The following BLTP3A variants were observed in gnomAD, a reference collection of about 807,000 sequenced individuals.
BLTP3A encodes the protein bridge-like lipid transfer protein family member 3A, also known as ICBP90 binding protein 1.
At chr6:34,821,262 G>A in the BLTP3A span, among the ~76,000 whole-genome samples, 2 of 152,178 alleles carry the variant, frequency 1.3e-5, no homozygotes, top group East Asian at 1.9e-4. Flanking sequence ...GGCTCCCTCT[G>A]TCTGTTTTTA....
the BLTP3A span, among the ~76,000 whole-genome samples, chr6:34,866,864 C>T: frequency 7.3e-3 from 1,112 of 152,252 alleles, 20 homozygotes; most frequent in African/African-American, 0.025. Context: ...GCTTATTCCA[C>T]TTGGTATATC....
At chr6:34,825,820 T>C in the BLTP3A span, among the ~76,000 whole-genome samples, 1 of 152,180 alleles carries the variant, frequency 6.6e-6, no homozygotes, top group African/African-American at 2.4e-5. Flanking sequence ...CATTCACTAG[T>C]TGATGGTCAT....
At chr6:34,856,727 T>G in the BLTP3A span, 1 of 1,571,792 alleles carries the variant, frequency 6.4e-7, no homozygotes, top group South Asian at 1.2e-5. Flanking sequence ...TTTACTTTCC[T>G]TATTCTATTA....
the BLTP3A span, among the ~76,000 whole-genome samples, chr6:34,871,351 G>A: frequency 6.6e-6 from 1 of 152,164 alleles, no homozygotes; most frequent in Admixed American, 6.5e-5. Context: ...GACCTTGTCT[G>A]TAACCCTAAC....
At chr6:34,826,058 C>T in the BLTP3A span, among the ~76,000 whole-genome samples, 9,000 of 120,618 alleles carry the variant, frequency 0.075, 489 homozygotes, top group East Asian at 0.36. Flanking sequence ...GAGATGGAGT[C>T]TCACTCTGTT....
the BLTP3A span, chr6:34,792,325 C>T: frequency 2.6e-6 from 4 of 1,534,488 alleles, no homozygotes; most frequent in Non-Finnish European, 3.5e-6. Flanking sequence ...CCCCGGCGGT[C>T]CTGGGCCCTT....
At chr6:34,858,822 C>T in the BLTP3A span, 11 of 1,614,088 alleles carry the variant, frequency 6.8e-6, no homozygotes, top group Non-Finnish European at 9.3e-6. Context: ...TTGTACATTC[C>T]CCGGCCCATG....
the BLTP3A span, chr6:34,859,699 A>T: frequency 1.4e-6 from 2 of 1,392,190 alleles, no homozygotes; most frequent in East Asian, 2.3e-5. Flanking sequence ...GAATGCATAG[A>T]ATGGCCTATT....
chr6:34,872,482 C>T, the BLTP3A span: 1 of 1,579,290 alleles, frequency 6.3e-7, no homozygotes, highest in African/African-American at 1.4e-5. Flanking sequence ...AGGCTATCAC[C>T]AGCAATAGCA....
At chr6:34,855,768 A>T in the BLTP3A span, 1 of 1,606,142 alleles carries the variant, frequency 6.2e-7, no homozygotes, top group Admixed American at 1.7e-5. Flanking sequence ...AGATTCCTGG[A>T]TTCATCCCTG....
At chr6:34,849,914 G>A in the BLTP3A span, among the ~76,000 whole-genome samples, 1 of 152,150 alleles carries the variant, frequency 6.6e-6, no homozygotes, top group Admixed American at 6.6e-5. Context: ...GCTGAGGCAG[G>A]CGGATCACCT....
chr6:34,856,776 T>C, the BLTP3A span: 4 of 1,608,324 alleles, frequency 2.5e-6, no homozygotes, highest in Non-Finnish European at 3.4e-6. Context: ...TTTTCCCACC[T>C]TATTTTTATT....
the BLTP3A span, chr6:34,856,969 A>T: frequency 1.3e-6 from 2 of 1,596,886 alleles, no homozygotes; most frequent in Non-Finnish European, 1.7e-6. Context: ...GAGGTGGAGC[A>T]GTTTACTTGG....
the BLTP3A span, among the ~76,000 whole-genome samples, chr6:34,798,594 CT>C: frequency 1.4e-3 from 134 of 94,484 alleles, no homozygotes; most frequent in Non-Finnish European, 1.7e-3. Flanking sequence ...TTCTTTCTTT[CT>C]TTTTTTTTTT....
chr6:34,862,241 G>T, the BLTP3A span, among the ~76,000 whole-genome samples: 1 of 151,872 alleles, frequency 6.6e-6, no homozygotes, highest in Non-Finnish European at 1.5e-5. Context: ...GCTGGGTGTG[G>T]TGGCACGTGC....
chr6:34,794,790 GTTT>G, the BLTP3A span, among the ~76,000 whole-genome samples: 171 of 145,616 alleles, frequency 1.2e-3, no homozygotes, highest in Non-Finnish European at 1.7e-4. Context: ...GAGTTTTTTT[GTTT>G]TTTTTTTTTT....
At chr6:34,865,396 G>C in the BLTP3A span, among the ~76,000 whole-genome samples, 8 of 152,224 alleles carry the variant, frequency 5.3e-5, no homozygotes, top group African/African-American at 1.2e-4. Context: ...AGGCTGAATA[G>C]TATTCCATTG....
the BLTP3A span, chr6:34,871,183 C>A: frequency 6.5e-7 from 1 of 1,536,774 alleles, no homozygotes; most frequent in East Asian, 2.3e-5. Context: ...CTTTGTCAAG[C>A]AAGGAAGCAG....
At chr6:34,826,026 A>ATTCTTTTTTTTTTTTTTTTTT in the BLTP3A span, among the ~76,000 whole-genome samples, 1 of 76,648 alleles carries the variant, frequency 1.3e-5, no homozygotes. Context: ...TACATTTTGC[A>ATTCTTTTTTTTTTTTTTTTTT]TTTTTTTTTT....
Sources: allele counts gnomAD v4.1 joint callset (sites outside exome capture counted in the v4.1 genomes callset), GRCh38; gene constraint gnomAD v4.1.1; transcripts MANE v1.5; gene names NCBI Gene and HGNC (gene_info 2026-07-23, HGNC 2026-07-21).